Variants in COL21A1 observed in about 807,000 individuals in gnomAD.
COL21A1 encodes the protein collagen type XXI alpha 1 chain.
Under a neutral mutation model 137.9 loss-of-function variants are expected in COL21A1, and 149 were observed. The ratio of observed to expected loss-of-function variants is 1.08; its 90% CI spans 0.95 to 1.24. The LOEUF (loss-of-function observed/expected upper bound fraction) is 1.24, where lower values mean the gene tolerates loss of function less well. Among genes scored for constraint, COL21A1 ranks in the 50% most tolerant of loss-of-function variants. The pLI, the probability that COL21A1 is intolerant of heterozygous loss-of-function variation, is 0.00. For missense variants in COL21A1, 1,167 were observed against 1,158.4 expected, an observed-to-expected ratio of 1.01 and a Z score of -0.11; for synonymous variants, 456 against 391.5, an observed-to-expected ratio of 1.16 and a Z score of -1.95.
intron 17 of COL21A1, among the ~76,000 whole-genome samples, chr6:56,090,873 G>C (rs1016315314): frequency 2.0e-5 from 3 of 151,618 alleles, no homozygotes; most frequent in Non-Finnish European, 4.4e-5. Context: ...AGTTAAAGTT[G>C]GTTTACTCGG....
At chr6:56,143,197 TTC>T (rs954358181) in intron 10 of COL21A1, among the ~76,000 whole-genome samples, 6 of 149,092 alleles carry the variant, frequency 4.0e-5, no homozygotes, top group African/African-American at 1.5e-4. Flanking sequence ...TATACAATTT[TTC>T]TTTTTTTTTT....
intron 3 of COL21A1, among the ~76,000 whole-genome samples, chr6:56,174,532 T>C (rs1388598822): frequency 1.3e-5 from 2 of 152,070 alleles, no homozygotes; most frequent in African/African-American, 4.8e-5. Context: ...TATGAACGAC[T>C]ATATATCAAC....
intron 17 of COL21A1, among the ~76,000 whole-genome samples, chr6:56,087,562 A>G (rs1044677660): frequency 2.6e-5 from 4 of 152,178 alleles, no homozygotes; most frequent in Non-Finnish European, 5.9e-5. Context: ...CCAATCCAGA[A>G]AAAGCATTCT....
At chr6:56,099,409 T>C (rs1266309978) in intron 17 of COL21A1, among the ~76,000 whole-genome samples, 1 of 151,420 alleles carries the variant, frequency 6.6e-6, no homozygotes. Flanking sequence ...GCTAATTTTT[T>C]GTATTTTTAG....
At chr6:56,162,244 A>AGT (rs925086277) in intron 9 of COL21A1, among the ~76,000 whole-genome samples, 9 of 152,138 alleles carry the variant, frequency 5.9e-5, no homozygotes, top group Non-Finnish European at 1.0e-4. Context: ...TGGATGGAAG[A>AGT]GTGTGTGTGT....
intron 17 of COL21A1, among the ~76,000 whole-genome samples, chr6:56,091,909 C>T (rs532681743): frequency 3.9e-5 from 6 of 151,928 alleles, no homozygotes; most frequent in African/African-American, 1.4e-4. Flanking sequence ...CTACTGTTGC[C>T]CTCATGTTGC....
At chr6:56,119,314 T>C (rs770884306) in intron 16 of COL21A1, among the ~76,000 whole-genome samples, 2 of 151,962 alleles carry the variant, frequency 1.3e-5, no homozygotes, top group African/African-American at 4.8e-5. Context: ...TAAAAAGTAA[T>C]CCCATTTACA....
At chr6:56,377,515 A>G (rs1191143344) in intron 1 of COL21A1, among the ~76,000 whole-genome samples, 2 of 152,262 alleles carry the variant, frequency 1.3e-5, no homozygotes, top group African/African-American at 4.8e-5. Context: ...ACATTCACCT[A>G]TAGAGAGAGC....
At chr6:56,122,519 G>A (rs770944538) in intron 16 of COL21A1, among the ~76,000 whole-genome samples, 1 of 151,790 alleles carries the variant, frequency 6.6e-6, no homozygotes, top group East Asian at 1.9e-4. Flanking sequence ...TTTCTTTATG[G>A]GATAATGAAA....
intron 1 of COL21A1, among the ~76,000 whole-genome samples, chr6:56,310,904 A>G (rs778562484): frequency 2.6e-5 from 4 of 152,156 alleles, no homozygotes; most frequent in Non-Finnish European, 5.9e-5. Context: ...CCAGAAATCT[A>G]TTTGACTATT....
intron 22 of COL21A1, 133 bp downstream of exon 22, chr6:56,068,913 A>T (rs1175501743): frequency 1.5e-6 from 1 of 650,666 alleles, no homozygotes; most frequent in Non-Finnish European, 2.7e-6. Flanking sequence ...TATTATACAT[A>T]CATCGAATAT....
intron 10 of COL21A1, among the ~76,000 whole-genome samples, chr6:56,148,476 T>C (rs1325859602): frequency 6.6e-6 from 1 of 152,158 alleles, no homozygotes; most frequent in Non-Finnish European, 1.5e-5. Context: ...ACTTTGTAAG[T>C]AAGCCATCTC....
intron 1 of COL21A1, among the ~76,000 whole-genome samples, chr6:56,370,162 C>A (rs1766199163): frequency 1.3e-5 from 2 of 152,096 alleles, no homozygotes; most frequent in Admixed American, 6.5e-5. Context: ...GGTCAACGGC[C>A]CACATGGAGT....
At chr6:56,157,307 CTTTTTTTTTTT>C (rs34605782) in intron 9 of COL21A1, among the ~76,000 whole-genome samples, 1 of 94,036 alleles carries the variant, frequency 1.1e-5, no homozygotes, top group African/African-American at 4.3e-5. Flanking sequence ...ACTCATAAGA[CTTTTTTTTTTT>C]TTTTTTTTTT....
chr6:56,315,876 AAAGAT>A lies in COL21A1; in HGVS notation c.-39+78090_-39+78094del, dbSNP rs1336905316. Among the ~76,000 whole-genome samples the A allele has an allele frequency of 7.9e-5, 12 of 152,334 alleles. No individual in the cohort carries two copies. In the East Asian group the frequency reaches 2.1e-3, roughly 27 times the overall value. On this transcript the variant is annotated intron_variant, in intron 1 of 28. Coordinates refer to the COL21A1 transcript ENST00000370819. ...ATCTCAAGTAATTTCACCACAAAAAAAAGATAAGTATGTGAAGTGATAGATATGTT... is the reference window on the plus strand; with the variant it reads ...ATCTCAAGTAATTTCACCACAAAAAAAAGTATGTGAAGTGATAGATATGTT...
At chr6:56,167,494 A>G (rs1336380098) in intron 6 of COL21A1, among the ~76,000 whole-genome samples, 1 of 152,216 alleles carries the variant, frequency 6.6e-6, no homozygotes, top group African/African-American at 2.4e-5. Context: ...CCACATGTGT[A>G]AACACGTATA....
chr6:56,387,508 T>C (rs915452531), intron 1 of COL21A1, among the ~76,000 whole-genome samples: 6 of 152,142 alleles, frequency 3.9e-5, no homozygotes, highest in East Asian at 1.9e-4. Flanking sequence ...ATATTAAGGA[T>C]AGAGGCATTG....
chr6:56,298,185 G>C (rs1042858995), intron 1 of COL21A1, among the ~76,000 whole-genome samples: 1 of 152,002 alleles, frequency 6.6e-6, no homozygotes, highest in Non-Finnish European at 1.5e-5. Flanking sequence ...AATGGTGAAG[G>C]GAATACTCCG....
At chr6:56,341,635 G>A (rs1234483043) in intron 1 of COL21A1, among the ~76,000 whole-genome samples, 3 of 152,200 alleles carry the variant, frequency 2.0e-5, no homozygotes, top group Non-Finnish European at 4.4e-5. Flanking sequence ...AAACTACCTT[G>A]TATGCTATTA....
Sources: gnomAD v4.1 joint callset for allele counts (sites outside exome capture counted in the v4.1 genomes callset) on GRCh38, gnomAD v4.1.1 for gene constraint, MANE v1.5 for transcripts, NCBI Gene and HGNC (gene_info 2026-07-23, HGNC 2026-07-21) for gene names.